SLC4A10: variants seen among roughly 807,000 people sequenced by gnomAD.
SLC4A10 encodes sodium-driven chloride bicarbonate exchanger.
SLC4A10 carries 42 observed loss-of-function variants against 137.7 expected under a neutral mutation model. The ratio of observed to expected loss-of-function variants is 0.30; its 90% CI spans 0.24 to 0.39. SLC4A10 has a LOEUF of 0.39. SLC4A10 is among the 10% of genes least tolerant of loss of function. The pLI, the probability that SLC4A10 is intolerant of heterozygous loss-of-function variation, is 1.00. For missense variants in SLC4A10, 925 were observed against 1,355.0 expected, an observed-to-expected ratio of 0.68 and a Z score of 4.98; for synonymous variants, 474 against 464.1, an observed-to-expected ratio of 1.02 and a Z score of -0.27.
chr2:161,941,830 A>G (rs1167393583), intron 15 of SLC4A10, among the ~76,000 whole-genome samples: 1 of 152,186 alleles, frequency 6.6e-6, no homozygotes, highest in Non-Finnish European at 1.5e-5. Flanking sequence ...CTGTTCCATC[A>G]TAGACAGGAG....
chr2:161,866,654 G>A lies in SLC4A10; in HGVS notation c.766+3592G>A, dbSNP rs575934148. On this transcript the variant is annotated intron_variant, in intron 6 of 26. Coordinates refer to ENST00000446997, the MANE Select transcript of SLC4A10 (RefSeq NM_001178015.2). ...TTAGTACCCTGAAAAGGGTATGGGT[G>A]GTAAAGCACTCAAAATAAATGTATC... Among the ~76,000 whole-genome samples, 3 of 151,822 alleles carry A rather than the reference G, an allele frequency of 2.0e-5. No homozygotes were observed. The South Asian group carries it at 6.3e-4, about 32-fold the overall frequency.
intron 11 of SLC4A10, among the ~76,000 whole-genome samples, chr2:161,898,907 AG>A (rs754480654): frequency 1.3e-5 from 2 of 152,254 alleles, no homozygotes; most frequent in East Asian, 3.9e-4. Context: ...ACACTTTCCT[AG>A]TCCAATCATT....
Position 161,742,799 on chromosome 2 carries a change from G to A in SLC4A10, c.49-28174G>A, listed in dbSNP as rs376033311. On this transcript the variant is annotated intron_variant, in intron 1 of 26. Coordinates refer to ENST00000446997, the MANE Select transcript of SLC4A10 (RefSeq NM_001178015.2). Reference sequence around the variant, plus strand: ...GTTATTGCCTGTATTTTGGATAAAAGCCATTTTAACCGGGATGACATGATA... The same window carrying A: ...GTTATTGCCTGTATTTTGGATAAAAACCATTTTAACCGGGATGACATGATA... 2.6e-5 allele frequency among the ~76,000 whole-genome samples: 4 copies of A among 152,104 alleles called. No homozygotes were observed. The East Asian group carries it at 5.8e-4, about 22-fold the overall frequency.
At chr2:161,715,531 T>C (rs1056545116) in intron 1 of SLC4A10, among the ~76,000 whole-genome samples, 1 of 151,980 alleles carries the variant, frequency 6.6e-6, no homozygotes, top group Non-Finnish European at 1.5e-5. Context: ...CCAGTGTGTG[T>C]TTTTCCCCTG....
chr2:161,734,892 TC>T (rs1248370625), intron 1 of SLC4A10, among the ~76,000 whole-genome samples: 1 of 152,046 alleles, frequency 6.6e-6, no homozygotes, highest in Non-Finnish European at 1.5e-5. Context: ...GGGGGTGGTT[TC>T]CCACATACTC....
intron 21 of SLC4A10, among the ~76,000 whole-genome samples, chr2:161,959,715 A>G (rs1281327644): frequency 4.6e-5 from 7 of 152,176 alleles, no homozygotes; most frequent in Admixed American, 2.0e-4. Context: ...CATGTTTTCT[A>G]TTTGTTAGAG....
At chr2:161,757,578 T>C (rs73971358) in intron 1 of SLC4A10, among the ~76,000 whole-genome samples, 1,679 of 152,246 alleles carry the variant, frequency 0.011, 26 homozygotes, top group African/African-American at 0.038. Context: ...CATAAGGAAA[T>C]TGAGGCACAA....
At position 161,965,176 on chromosome 2, in the gene SLC4A10, A is replaced by C; in HGVS notation, c.3159+3A>C. ...AACTGGAAGATGCTGAAAAAGAAGT[A>C]AGAGCAAAATCAATGTTTTATAAAG... On this transcript the variant is annotated splice_donor_region_variant and intron_variant, in intron 23 of 26. Coordinates refer to ENST00000446997, the MANE Select transcript of SLC4A10 (RefSeq NM_001178015.2). 6.2e-7 allele frequency: 1 copy of C among 1,605,196 alleles called. No homozygotes were observed. Among genetic ancestry groups the C allele is most frequent in the Non-Finnish European group, 8.5e-7 (1 of 1,174,814 alleles).
chr2:161,844,280 A>G (rs923296276), intron 4 of SLC4A10, among the ~76,000 whole-genome samples: 1 of 152,202 alleles, frequency 6.6e-6, no homozygotes, highest in Non-Finnish European at 1.5e-5. Flanking sequence ...TTTGATCTTC[A>G]AAATTAGTAA....
chr2:161,979,870 A>G (rs527668365), intron 26 of SLC4A10, among the ~76,000 whole-genome samples: 3 of 152,240 alleles, frequency 2.0e-5, no homozygotes, highest in South Asian at 4.1e-4. Flanking sequence ...CCCTTTTTTC[A>G]TGGAATTTTG....
At chr2:161,833,954 A>C (rs2125755157) in intron 3 of SLC4A10, among the ~76,000 whole-genome samples, 1 of 152,332 alleles carries the variant, frequency 6.6e-6, no homozygotes, top group African/African-American at 2.4e-5. Context: ...GAAACTGATC[A>C]TCTCCTCTCA....
chr2:161,851,711 A>G (rs1473316202), intron 4 of SLC4A10, among the ~76,000 whole-genome samples: 1 of 152,134 alleles, frequency 6.6e-6, no homozygotes, highest in East Asian at 1.9e-4. Flanking sequence ...GCCCAGGAGT[A>G]TTTTAAAAGT....
At chr2:161,904,277 G>A (rs1031502752) in intron 13 of SLC4A10, 99 bp downstream of exon 13, 1 of 1,265,768 alleles carries the variant, frequency 7.9e-7, no homozygotes, top group Non-Finnish European at 1.1e-6. Flanking sequence ...TTTCTGAGGA[G>A]AGATTTGAGA....
intron 2 of SLC4A10, among the ~76,000 whole-genome samples, chr2:161,783,468 G>A (rs188814202): frequency 1.6e-3 from 237 of 152,060 alleles, no homozygotes; most frequent in African/African-American, 5.3e-3. Flanking sequence ...ATGCAGGACC[G>A]TAATACTGCA....
chr2:161,736,226 C>A (rs1044116799), intron 1 of SLC4A10, among the ~76,000 whole-genome samples: 1 of 152,042 alleles, frequency 6.6e-6, no homozygotes, highest in Non-Finnish European at 1.5e-5. Flanking sequence ...AGCAATGACT[C>A]TTACATGAAA....
chr2:161,883,488 AT>A (rs1280688409), intron 10 of SLC4A10, among the ~76,000 whole-genome samples: 1 of 152,182 alleles, frequency 6.6e-6, no homozygotes, highest in Admixed American at 6.6e-5. Flanking sequence ...GAAGAAAAAC[AT>A]TTTTTCCCTC....
intron 4 of SLC4A10, among the ~76,000 whole-genome samples, chr2:161,846,038 G>A (rs554781290): frequency 6.6e-6 from 1 of 152,146 alleles, no homozygotes; most frequent in Admixed American, 6.5e-5. Context: ...TGGATGAAAA[G>A]GCAAGCTACA....
intron 1 of SLC4A10, among the ~76,000 whole-genome samples, chr2:161,698,655 G>A (rs1394881839): frequency 6.6e-6 from 1 of 152,180 alleles, no homozygotes; most frequent in Admixed American, 6.5e-5. Context: ...CAGGGATGAA[G>A]CCCACTTGAT....
intron 3 of SLC4A10, among the ~76,000 whole-genome samples, chr2:161,814,225 A>G (rs1262695090): frequency 1.3e-5 from 2 of 152,168 alleles, no homozygotes; most frequent in Admixed American, 6.6e-5. Context: ...AACCACAATG[A>G]GATACTATCT....
Sources: allele counts gnomAD v4.1 joint callset (sites outside exome capture counted in the v4.1 genomes callset), GRCh38; gene constraint gnomAD v4.1.1; transcripts MANE v1.5; gene names NCBI Gene and HGNC (gene_info 2026-07-23, HGNC 2026-07-21).